Variants in NRG3 observed in about 807,000 individuals in gnomAD.
NRG3 encodes the protein pro-neuregulin-3, membrane-bound isoform.
NRG3 carries 31 observed loss-of-function variants against 66.9 expected under a neutral mutation model. The observed-to-expected ratio is 0.46, with a 90% confidence interval of 0.35 to 0.63. The LOEUF (loss-of-function observed/expected upper bound fraction) is 0.63. Ranked by LOEUF, NRG3 falls within the 20% of genes least tolerant of loss-of-function variation. NRG3 has a pLI of 0.00. For synonymous variants in NRG3, 393 were observed against 359.4 expected (o/e 1.09, Z -1.06); for missense variants, 910 against 878.9 (o/e 1.04, Z -0.45).
At chr10:82,804,951 CT>C (rs1170206870) in intron 3 of NRG3, among the ~76,000 whole-genome samples, 1 of 152,180 alleles carries the variant, frequency 6.6e-6, no homozygotes, top group African/African-American at 2.4e-5. Context: ...AAGAAATGTA[CT>C]ACTGGGGTTA....
At chr10:82,248,324 C>T (rs1245640763) in intron 1 of NRG3, among the ~76,000 whole-genome samples, 1 of 152,164 alleles carries the variant, frequency 6.6e-6, no homozygotes, top group Non-Finnish European at 1.5e-5. Flanking sequence ...TGTCTACTCC[C>T]TCTGTTCCCA....
At chr10:82,350,952 C>T (rs113576687) in intron 1 of NRG3, among the ~76,000 whole-genome samples, 6 of 151,546 alleles carry the variant, frequency 4.0e-5, no homozygotes, top group Middle Eastern at 3.4e-3. Context: ...AGTGCTGTGG[C>T]GCGATCTCGG....
intron 3 of NRG3, among the ~76,000 whole-genome samples, chr10:82,746,847 G>A (rs1355158826): frequency 1.3e-5 from 2 of 152,128 alleles, no homozygotes; most frequent in South Asian, 2.1e-4. Context: ...GGGAAGCCAT[G>A]GTGTAAGTAC....
chr10:82,490,116 T>C (rs1429302975), intron 2 of NRG3, among the ~76,000 whole-genome samples: 1 of 152,172 alleles, frequency 6.6e-6, no homozygotes, highest in Non-Finnish European at 1.5e-5. Flanking sequence ...TAATATATCG[T>C]TAATCCTTAA....
intron 3 of NRG3, among the ~76,000 whole-genome samples, chr10:82,807,134 C>G (rs2061322610): frequency 6.6e-6 from 1 of 152,184 alleles, no homozygotes; most frequent in South Asian, 2.1e-4. Flanking sequence ...TTTGCAATAT[C>G]TTTCCAACAA....
chr10:81,906,203 G>C (rs574302513), intron 1 of NRG3, among the ~76,000 whole-genome samples: 1 of 151,956 alleles, frequency 6.6e-6, no homozygotes, highest in South Asian at 2.1e-4. Flanking sequence ...TACTACTGCT[G>C]TTCTTATCAT....
intron 1 of NRG3, among the ~76,000 whole-genome samples, chr10:82,284,614 A>C (rs2079311090): frequency 6.6e-6 from 1 of 152,196 alleles, no homozygotes; most frequent in South Asian, 2.1e-4. Flanking sequence ...TTCTTTAATA[A>C]CTTTCTGTAT....
At chr10:82,065,175 A>G (rs1228709854) in intron 1 of NRG3, among the ~76,000 whole-genome samples, 5 of 152,138 alleles carry the variant, frequency 3.3e-5, no homozygotes, top group African/African-American at 1.2e-4. Flanking sequence ...TAGGAGACAT[A>G]TTTACGTAAA....
chr10:82,772,075 T>G (rs976601677), intron 3 of NRG3, among the ~76,000 whole-genome samples: 1 of 152,210 alleles, frequency 6.6e-6, no homozygotes, highest in Non-Finnish European at 1.5e-5. Context: ...CTTTCTCTTT[T>G]GTTGAATTAA....
intron 2 of NRG3, among the ~76,000 whole-genome samples, chr10:82,366,388 G>C (rs1424684004): frequency 6.6e-6 from 1 of 151,972 alleles, no homozygotes; most frequent in Non-Finnish European, 1.5e-5. Context: ...AGTGGGGAGG[G>C]GCATGCCAGA....
chr10:82,506,777 T>G (rs1253778496), intron 2 of NRG3, among the ~76,000 whole-genome samples: 1 of 152,196 alleles, frequency 6.6e-6, no homozygotes, highest in East Asian at 1.9e-4. Context: ...GTATCCAGAA[T>G]GAACTAGTTA....
Position 82,314,468 on chromosome 10 carries a change from A to G in NRG3, c.824-44271A>G, listed in dbSNP as rs552239419. 5.3e-5 allele frequency among the ~76,000 whole-genome samples: 8 copies of G among 152,234 alleles called. No individual in the cohort carries two copies. In the East Asian group the frequency reaches 1.5e-3, roughly 29 times the overall value. On this transcript the variant is annotated intron_variant, in intron 1 of 8. Transcript: ENST00000372141. Reference sequence around the variant, plus strand: ...GGAAATTAATTTAAAATTTAAAAAAAAAATGACTGACCCATTTGTTTCCAG... The same window carrying G: ...GGAAATTAATTTAAAATTTAAAAAAGAAATGACTGACCCATTTGTTTCCAG...
At chr10:82,711,481 TAA>T (rs2056661714) in intron 2 of NRG3, among the ~76,000 whole-genome samples, 1 of 152,080 alleles carries the variant, frequency 6.6e-6, no homozygotes, top group South Asian at 2.1e-4. Context: ...CTCCTATGTT[TAA>T]GTTGTGTTTT....
intron 3 of NRG3, among the ~76,000 whole-genome samples, chr10:82,770,236 T>G (rs2059664691): frequency 6.6e-6 from 1 of 152,300 alleles, no homozygotes; most frequent in East Asian, 1.9e-4. Flanking sequence ...GCTTACATTT[T>G]AATGATTATA....
At chr10:82,097,179 A>G (rs965361850) in intron 1 of NRG3, among the ~76,000 whole-genome samples, 1 of 151,938 alleles carries the variant, frequency 6.6e-6, no homozygotes, top group Non-Finnish European at 1.5e-5. Flanking sequence ...AGAATGTCAT[A>G]TGAATGAAAA....
At chr10:81,975,752 G>A (rs757345116) in intron 1 of NRG3, among the ~76,000 whole-genome samples, 9 of 152,008 alleles carry the variant, frequency 5.9e-5, no homozygotes, top group South Asian at 2.1e-4. Flanking sequence ...ACATGTCAAG[G>A]GAAAATTAAG....
chr10:82,697,866 G>T (rs959171124), intron 2 of NRG3, among the ~76,000 whole-genome samples: 1 of 152,052 alleles, frequency 6.6e-6, no homozygotes, highest in African/African-American at 2.4e-5. Flanking sequence ...TCTGGGACCC[G>T]TCAGTATCTG....
chr10:82,489,983 A>G (rs1269401000), intron 2 of NRG3, among the ~76,000 whole-genome samples: 4 of 152,218 alleles, frequency 2.6e-5, no homozygotes, highest in Admixed American at 2.6e-4. Context: ...TAGGGAAGCC[A>G]AGGCACAGAG....
At chr10:82,926,958 T>C (rs1847065784) in intron 4 of NRG3, among the ~76,000 whole-genome samples, 1 of 152,214 alleles carries the variant, frequency 6.6e-6, no homozygotes, top group Non-Finnish European at 1.5e-5. Context: ...AACTGACCTT[T>C]GTTATCCTTC....
Sources: allele counts gnomAD v4.1 joint callset (sites outside exome capture counted in the v4.1 genomes callset), GRCh38; gene constraint gnomAD v4.1.1; transcripts MANE v1.5; gene names NCBI Gene and HGNC (gene_info 2026-07-23, HGNC 2026-07-21).